The following PCDHGB5 variants were observed in gnomAD, a reference collection of about 807,000 sequenced individuals.
PCDHGB5 encodes the protein protocadherin gamma-B5.
PCDHGB5 carries 48 observed loss-of-function variants against 62.9 expected under a neutral mutation model. The ratio of observed to expected loss-of-function variants is 0.76; its 90% confidence interval spans 0.61 to 0.97. The LOEUF (loss-of-function observed/expected upper bound fraction) is 0.97, where lower values mean the gene tolerates loss of function less well. Ranked by LOEUF, PCDHGB5 falls within the 50% of genes least tolerant of loss-of-function variation. The pLI is 0.00. For synonymous variants in PCDHGB5, 474 were observed against 511.2 expected (o/e 0.93, Z 0.98); for missense variants, 1,118 against 1,198.6 (o/e 0.93, Z 0.99).
intron 3 of PCDHGB5, among the ~76,000 whole-genome samples, chr5:141,507,790 A>C (rs922507228): frequency 5.9e-5 from 9 of 152,188 alleles, no homozygotes; most frequent in Admixed American, 2.6e-4. Context: ...ACCCTCGTCT[A>C]AGCCTGCGCC....
At chr5:141,484,790 A>T (rs1562101198) in intron 1 of PCDHGB5, among the ~76,000 whole-genome samples, 1 of 152,076 alleles carries the variant, frequency 6.6e-6, no homozygotes, top group Admixed American at 6.6e-5. Flanking sequence ...CACAGAGATA[A>T]CAACCCGTGG....
chr5:141,413,891 C>G, intron 1 of PCDHGB5: 1 of 1,613,382 alleles, frequency 6.2e-7, no homozygotes, highest in East Asian at 2.2e-5. Flanking sequence ...GTCTTCGATG[C>G]AAATGACAAC....
At chr5:141,455,186 C>T (rs1436215310) in intron 1 of PCDHGB5, among the ~76,000 whole-genome samples, 3 of 151,542 alleles carry the variant, frequency 2.0e-5, no homozygotes, top group Non-Finnish European at 2.9e-5. Context: ...TTTTATTTCT[C>T]TACAAATTTA....
At chr5:141,430,996 G>C in intron 1 of PCDHGB5, 8 of 1,614,024 alleles carry the variant, frequency 5.0e-6, no homozygotes, top group Middle Eastern at 3.3e-4. Context: ...CCCTGAATCC[G>C]CGCAGCGGCA....
chr5:141,424,692 T>C (rs910540428), intron 1 of PCDHGB5: 2 of 152,004 alleles, frequency 1.3e-5, no homozygotes, highest in African/African-American at 4.8e-5. Context: ...CTTCTGGCTA[T>C]TTTTTTGTTC....
chr5:141,485,680 C>T lies in PCDHGB5; in HGVS notation c.2398-9127C>T. The T allele has an allele frequency of 6.2e-7, 1 of 1,613,966 alleles. No individual in the cohort carries two copies. Among genetic ancestry groups the T allele is most frequent in the South Asian group, 1.1e-5 (1 of 91,066 alleles). The stretch of plus-strand genomic sequence containing the variant: ...ATGTGGGGAGCAATTCGATTAGCAG[C>T]TATAGGCTGAGCTCCAATGAACACT... On this transcript the variant is annotated intron_variant, in intron 1 of 3. Coordinates refer to ENST00000617380, the MANE Select transcript of PCDHGB5 (RefSeq NM_018925.3). The surrounding 1 kb of genome is among the most constrained non-coding windows in gnomAD (Gnocchi z 5.7).
Position 141,399,271 on chromosome 5 carries a change from T to C in PCDHGB5, c.1144T>C (p.Leu382=). The C allele has an allele frequency of 1.2e-6, 2 of 1,613,926 alleles. No homozygotes were observed. Among genetic ancestry groups the C allele is most frequent in the Non-Finnish European group, 1.7e-6 (2 of 1,179,862 alleles). ...SGENGEVNCQ[L]QGEVPFKIIS... is the part of the protein sequence containing the mutation. ...GGAAAATGGGGAGGTTAATTGTCAA[T>C]TACAAGGCGAAGTCCCTTTTAAGAT... The change falls in exon 1 of 4, where the codon TTA becomes CTA. Residue 382 remains leucine, a synonymous_variant. Coordinates refer to ENST00000617380, the MANE Select transcript of PCDHGB5 (RefSeq NM_018925.3).
At chr5:141,423,619 T>C (rs1389600826) in intron 1 of PCDHGB5, 1 of 1,608,090 alleles carries the variant, frequency 6.2e-7, no homozygotes. Context: ...AGCTGAAGAC[T>C]CAGCTATCAT....
chr5:141,454,917 C>T (rs1185153715), intron 1 of PCDHGB5, among the ~76,000 whole-genome samples: 1 of 149,330 alleles, frequency 6.7e-6, no homozygotes, highest in Non-Finnish European at 1.5e-5. Flanking sequence ...ACGCCATTCT[C>T]CTGCCTCAGC....
chr5:141,477,536 G>T lies in PCDHGB5; in HGVS notation c.2398-17271G>T. 1.2e-6 allele frequency: 2 copies of T among 1,614,076 alleles called. No homozygotes were observed. Among genetic ancestry groups the T allele is most frequent in the Non-Finnish European group, 1.7e-6 (2 of 1,180,018 alleles). ...CATTGAAGAAAACAACCTCCCCGGG[G>T]CTCCAATACTAAACCTAAGTGTCTG... On this transcript the variant is annotated intron_variant, in intron 1 of 3. Coordinates refer to ENST00000617380, the MANE Select transcript of PCDHGB5 (RefSeq NM_018925.3). The surrounding 1 kb of genome is among the most constrained non-coding windows in gnomAD (Gnocchi z 4.9).
At chr5:141,458,438 CCCA>C (rs1221646653) in intron 1 of PCDHGB5, among the ~76,000 whole-genome samples, 3 of 152,024 alleles carry the variant, frequency 2.0e-5, no homozygotes, top group African/African-American at 7.2e-5. Context: ...GAGGAGGTCC[CCCA>C]CATTAACAAT....
In PCDHGB5 at chr5:141,490,291, C is replaced by T; in HGVS notation, c.2398-4516C>T. 6.2e-7 allele frequency: 1 copy of T among 1,614,212 alleles called. No homozygotes were observed. Among genetic ancestry groups the T allele is most frequent in the Non-Finnish European group, 8.5e-7 (1 of 1,180,048 alleles). On this transcript the variant is annotated intron_variant, in intron 1 of 3. Transcript: ENST00000617380. The surrounding 1 kb of genome is among the most constrained non-coding windows in gnomAD (Gnocchi z 5.4). ...TGTCAATGACAATGCCCCAGAGGTG[C>T]TATTGGCCTCTTTGGCCAACCCTGT...
Position 141,491,410 on chromosome 5 carries a change from GA to G in PCDHGB5, c.2398-3396del. 1 of 1,614,142 alleles carries G rather than the reference GA, an allele frequency of 6.2e-7. No homozygotes were observed. The highest frequency in any genetic ancestry group is 8.5e-7 in the Non-Finnish European group (1 of 1,180,034). On this transcript the variant is annotated intron_variant, in intron 1 of 3. Coordinates refer to ENST00000617380, the MANE Select transcript of PCDHGB5 (RefSeq NM_018925.3). This position sits in a 1 kb window ranked among gnomAD's most constrained non-coding sequence, Gnocchi z 6.9. ...GTGCCTTCAGGGAAACGCAGACGGG[GA>G]CGGGGGTGGAGGGCAGTGCTGCAGG...
chr5:141,405,744 C>T (rs2094711384), intron 1 of PCDHGB5, among the ~76,000 whole-genome samples: 1 of 152,192 alleles, frequency 6.6e-6, no homozygotes, highest in African/African-American at 2.4e-5. Flanking sequence ...TCCCAAAGCA[C>T]TGGGATTACA....
intron 1 of PCDHGB5, among the ~76,000 whole-genome samples, chr5:141,407,809 T>C (rs2094984510): frequency 6.6e-6 from 1 of 152,228 alleles, no homozygotes; most frequent in South Asian, 2.1e-4. Flanking sequence ...TAGAAATATC[T>C]ACTATAATAT....
chr5:141,417,566 C>G, intron 1 of PCDHGB5: 1 of 362,746 alleles, frequency 2.8e-6, no homozygotes. Context: ...AGAGAAAAGT[C>G]AAGTTGCAGT....
At chr5:141,415,772 T>TTTTTTA in intron 1 of PCDHGB5, 1 of 1,332,986 alleles carries the variant, frequency 7.5e-7, no homozygotes, top group Non-Finnish European at 9.6e-7. Flanking sequence ...TTTTTTTTTT[T>TTTTTTA]ACTTTCTGGT....
In PCDHGB5 at chr5:141,486,661, G is replaced by T. The variant is rs373446844; in HGVS notation, c.2398-8146G>T. ...CGCTTATCTCCTACTCACTCCTGGA[G>T]CCCAGGAATCGAGATGTATCAGCTT... is the stretch of plus-strand genomic sequence containing the variant. On this transcript the variant is annotated intron_variant, in intron 1 of 3. Transcript: ENST00000617380. The surrounding 1 kb of genome is among the most constrained non-coding windows in gnomAD (Gnocchi z 5.0). 6.2e-6 allele frequency: 10 copies of T among 1,613,836 alleles called. No individual in the cohort carries two copies. Among genetic ancestry groups the T allele is most frequent in the African/African-American group, 4.0e-5 (3 of 74,918 alleles).
chr5:141,403,530 AG>A (rs1303990777), intron 1 of PCDHGB5: 2 of 1,613,988 alleles, frequency 1.2e-6, no homozygotes. Context: ...ATAAACCCAG[AG>A]CTGGTGCTGG....
Sources: allele counts gnomAD v4.1 joint callset (sites outside exome capture counted in the v4.1 genomes callset), GRCh38; gene constraint gnomAD v4.1.1; non-coding constraint Gnocchi (gnomAD v3.1); transcripts MANE v1.5; gene names NCBI Gene and HGNC (gene_info 2026-07-23, HGNC 2026-07-21).